The following NYAP2 variants were observed in gnomAD, a reference collection of about 807,000 sequenced individuals.
NYAP2 encodes neuronal tyrosine-phosphorylated phosphoinositide-3-kinase adapter 2.
In NYAP2, 23 loss-of-function variants were observed where a neutral mutation model predicts 50.4. The ratio of observed to expected loss-of-function variants is 0.46; its 90% CI spans 0.33 to 0.65. The LOEUF is 0.65. NYAP2 is among the 30% of genes least tolerant of loss of function. NYAP2 has a pLI of 0.02. For missense variants in NYAP2, 885 were observed against 861.0 expected, an observed-to-expected ratio of 1.03 and a Z score of -0.35; for synonymous variants, 394 against 365.2, an observed-to-expected ratio of 1.08 and a Z score of -0.90.
At chr2:225,446,863 A>G (rs1191420446) in intron 3 of NYAP2, among the ~76,000 whole-genome samples, 3 of 152,178 alleles carry the variant, frequency 2.0e-5, no homozygotes. Flanking sequence ...TCACTTACAC[A>G]GATAGCAAAG....
At chr2:225,626,888 A>T in intron 5 of NYAP2, 29 bp from the exon 6 acceptor site, 1 of 1,490,836 alleles carries the variant, frequency 6.7e-7, no homozygotes, top group Non-Finnish European at 9.2e-7. Flanking sequence ...ACTCTTGTTT[A>T]ACAGAATGTA....
At chr2:225,627,335 C>T (rs1693228326) in intron 6 of NYAP2, among the ~76,000 whole-genome samples, 1 of 152,110 alleles carries the variant, frequency 6.6e-6, no homozygotes, top group South Asian at 2.1e-4. Flanking sequence ...ATGAAAGATA[C>T]CTGAACGGTG....
At chr2:225,483,321 C>A (rs1690237054) in intron 3 of NYAP2, among the ~76,000 whole-genome samples, 1 of 152,074 alleles carries the variant, frequency 6.6e-6, no homozygotes, top group Non-Finnish European at 1.5e-5. Flanking sequence ...ACTCATCAAA[C>A]TATAATTGTT....
chr2:225,510,651 G>T (rs1046665366), intron 3 of NYAP2, among the ~76,000 whole-genome samples: 6 of 152,034 alleles, frequency 3.9e-5, no homozygotes, highest in African/African-American at 1.4e-4. Flanking sequence ...AATGGTCTTC[G>T]CATCCAAATT....
chr2:225,660,993 T>TAATTC, the NYAP2 span, among the ~76,000 whole-genome samples: 1 of 152,196 alleles, frequency 6.6e-6, no homozygotes, highest in Non-Finnish European at 1.5e-5. Context: ...GTAAATCCCT[T>TAATTC]AATTCAACCT....
the NYAP2 span, among the ~76,000 whole-genome samples, chr2:225,668,680 G>C: frequency 6.6e-6 from 1 of 152,138 alleles, no homozygotes; most frequent in South Asian, 2.1e-4. Context: ...AGTAATGGCA[G>C]ATCTCGGCCT....
At chr2:225,511,281 C>G (rs760602479) in intron 3 of NYAP2, among the ~76,000 whole-genome samples, 14 of 151,362 alleles carry the variant, frequency 9.2e-5, no homozygotes, top group Non-Finnish European at 1.8e-4. Flanking sequence ...ACAAACCACT[C>G]TGTTTGGATA....
intron 3 of NYAP2, among the ~76,000 whole-genome samples, chr2:225,481,210 A>G (rs190334662): frequency 6.6e-6 from 1 of 152,276 alleles, no homozygotes; most frequent in Non-Finnish European, 1.5e-5. Flanking sequence ...ATCATCTCTC[A>G]AGAAGCAGTC....
At chr2:225,670,891 C>T in the NYAP2 span, among the ~76,000 whole-genome samples, 1 of 152,078 alleles carries the variant, frequency 6.6e-6, no homozygotes, top group South Asian at 2.1e-4. Context: ...ATAATCCAGT[C>T]TATTAAGTGT....
the NYAP2 span, among the ~76,000 whole-genome samples, chr2:225,691,602 C>T: frequency 6.6e-6 from 1 of 152,086 alleles, no homozygotes; most frequent in Admixed American, 6.6e-5. Context: ...TCTTTGCCCA[C>T]TACATGGGAG....
the NYAP2 span, among the ~76,000 whole-genome samples, chr2:225,673,531 C>A: frequency 1.3e-5 from 2 of 152,050 alleles, no homozygotes; most frequent in Non-Finnish European, 2.9e-5. Context: ...GCTTATGTAA[C>A]AATTTCTTTA....
At chr2:225,448,347 G>A (rs1262280303) in intron 3 of NYAP2, among the ~76,000 whole-genome samples, 1 of 152,096 alleles carries the variant, frequency 6.6e-6, no homozygotes, top group Non-Finnish European at 1.5e-5. Context: ...AGCGACCAGG[G>A]GAATTAATCA....
At chr2:225,446,234 C>A (rs1259746554) in intron 3 of NYAP2, among the ~76,000 whole-genome samples, 24 of 100,864 alleles carry the variant, frequency 2.4e-4, no homozygotes, top group African/African-American at 1.1e-3. Flanking sequence ...CTCTCTCTCT[C>A]TCTCTCTCTC....
At chr2:225,421,944 CTTGAT>C (rs924578282) in intron 3 of NYAP2, among the ~76,000 whole-genome samples, 33 of 152,204 alleles carry the variant, frequency 2.2e-4, no homozygotes, top group African/African-American at 7.5e-4. Context: ...TAATGTTATT[CTTGAT>C]TTGTTTTTTT....
At chr2:225,690,996 T>G in the NYAP2 span, among the ~76,000 whole-genome samples, 1 of 151,982 alleles carries the variant, frequency 6.6e-6, no homozygotes, top group East Asian at 1.9e-4. Context: ...GTAACAGTAG[T>G]TTTTTCCAAA....
rs932060659 is a variant in NYAP2, at chr2:225,627,238, G to A, written c.1828+112G>A. The A allele has an allele frequency of 4.9e-6, 4 of 813,248 alleles. 1 individual carries two copies. The highest frequency in any genetic ancestry group is 2.7e-5 in the East Asian group (1 of 37,474). The allele number at this position is 813,248 out of a possible 1,614,324, so 50.4% of individuals were successfully genotyped here. A position where few individuals can be genotyped will look rare whatever the true frequency, so the allele number is the denominator to read the frequency against. On this transcript the variant is annotated intron_variant, in intron 6 of 6. Coordinates refer to ENST00000636099, the Ensembl canonical transcript of NYAP2. ...ACAGATATCTCTGTCTGCACACAGAGAGGCACCACAAGTAACCATTCACGT... is the reference window on the plus strand; with the variant it reads ...ACAGATATCTCTGTCTGCACACAGAAAGGCACCACAAGTAACCATTCACGT...
chr2:225,621,857 T>G (rs1415156456), intron 5 of NYAP2, among the ~76,000 whole-genome samples: 3 of 152,160 alleles, frequency 2.0e-5, no homozygotes, highest in Non-Finnish European at 4.4e-5. Context: ...TAAACCCTTA[T>G]GCTAGCATGT....
chr2:225,582,820 G>A lies in NYAP2; in HGVS notation c.1403G>A (p.Ser468Asn), dbSNP rs150128802. 2 of 1,613,892 alleles carry A rather than the reference G, an allele frequency of 1.2e-6. No individual in the cohort carries two copies. Residue 468 changes from serine to asparagine, a missense_variant, in exon 5 of 7, where the codon AGC becomes AAC. Coordinates refer to ENST00000636099, the Ensembl canonical transcript of NYAP2. The surrounding 1 kb of genome is among the most constrained non-coding windows in gnomAD (Gnocchi z 7.0). ...GTGCATTCGGGCAGCCTCTCAAGGA[G>A]CTCTCCTTCAGTGCCTCACTCGACC...
intron 3 of NYAP2, among the ~76,000 whole-genome samples, chr2:225,507,525 G>A (rs1460207085): frequency 2.6e-5 from 4 of 152,166 alleles, no homozygotes; most frequent in African/African-American, 7.2e-5. Context: ...TTGAAAAATT[G>A]ATGCAAGTAT....
Sources: gnomAD v4.1 joint callset for allele counts (sites outside exome capture counted in the v4.1 genomes callset) on GRCh38, gnomAD v4.1.1 for gene constraint, Gnocchi (gnomAD v3.1) non-coding constraint, MANE v1.5 for transcripts, NCBI Gene and HGNC (gene_info 2026-07-23, HGNC 2026-07-21) for gene names.